The following ZFPM2 variants were observed in gnomAD, a reference collection of about 807,000 sequenced individuals.
The protein encoded by ZFPM2 is zinc finger protein, FOG family member 2.
Under a neutral mutation model 98.6 loss-of-function variants are expected in ZFPM2, and 20 were observed. That is an observed-to-expected ratio of 0.20 (90% CI 0.14 to 0.29). The LOEUF (loss-of-function observed/expected upper bound fraction) is 0.29, where lower values mean the gene tolerates loss of function less well. ZFPM2 is among the 10% of genes least tolerant of loss of function. The probability of loss-of-function intolerance (pLI) is 1.00; values close to 1 mark genes in which losing one functional copy is unlikely to be tolerated. For missense variants in ZFPM2, 1,310 were observed against 1,388.6 expected (o/e 0.94, Z 0.90); for synonymous variants, 518 against 502.7 (o/e 1.03, Z -0.41).
At chr8:105,344,951 A>C (rs1812489838) in intron 1 of ZFPM2, among the ~76,000 whole-genome samples, 1 of 152,184 alleles carries the variant, frequency 6.6e-6, no homozygotes, top group Admixed American at 6.6e-5. Flanking sequence ...TAAGAAAGTT[A>C]AGACCAACAG....
intron 5 of ZFPM2, among the ~76,000 whole-genome samples, chr8:105,693,917 T>C (rs1810950329): frequency 6.6e-6 from 1 of 151,932 alleles, no homozygotes; most frequent in African/African-American, 2.4e-5. Flanking sequence ...CAAATATTAT[T>C]GTCTAGCTAT....
intron 4 of ZFPM2, among the ~76,000 whole-genome samples, chr8:105,599,357 G>C (rs749696164): frequency 4.5e-4 from 64 of 141,012 alleles, no homozygotes; most frequent in Non-Finnish European, 8.2e-4. Context: ...CCATCTGCTT[G>C]TCAGTTTTTC....
At chr8:105,320,961 T>C (rs2130641618) in intron 1 of ZFPM2, among the ~76,000 whole-genome samples, 1 of 152,374 alleles carries the variant, frequency 6.6e-6, no homozygotes, top group Middle Eastern at 3.4e-3. Context: ...TGCATACATA[T>C]GTATTATTTA....
At chr8:105,793,316 A>C (rs1204806723) in intron 6 of ZFPM2, among the ~76,000 whole-genome samples, 2 of 152,052 alleles carry the variant, frequency 1.3e-5, no homozygotes, top group East Asian at 1.9e-4. Flanking sequence ...GCTTGTCTGT[A>C]AAGTATTTTA....
intron 1 of ZFPM2, among the ~76,000 whole-genome samples, chr8:105,359,437 A>G (rs1196309874): frequency 6.8e-6 from 1 of 148,064 alleles, no homozygotes; most frequent in Non-Finnish European, 1.5e-5. Context: ...GTGCAGTGAC[A>G]TGATCTTGGC....
At chr8:105,538,051 A>G (rs1286321071) in intron 3 of ZFPM2, among the ~76,000 whole-genome samples, 3 of 152,136 alleles carry the variant, frequency 2.0e-5, no homozygotes, top group African/African-American at 7.2e-5. Flanking sequence ...TAATAGATGT[A>G]TCACCCCTTG....
At chr8:105,553,409 A>G (rs1171549660) in intron 3 of ZFPM2, among the ~76,000 whole-genome samples, 2 of 152,200 alleles carry the variant, frequency 1.3e-5, no homozygotes, top group African/African-American at 2.4e-5. Context: ...TTTAGAAACT[A>G]TAGCCAAAGA....
In ZFPM2 at chr8:105,374,782, C is replaced by T. The variant is rs551406482; in HGVS notation, c.41-44362C>T. On this transcript the variant is annotated intron_variant, in intron 1 of 7. Coordinates refer to ENST00000407775, the MANE Select transcript of ZFPM2 (RefSeq NM_012082.4). ...GGTAGCAGGGACATGATGTGGGAAACCACTCAGAGTGGTAACAAGTTAACA... is the reference window on the plus strand; with the variant it reads ...GGTAGCAGGGACATGATGTGGGAAATCACTCAGAGTGGTAACAAGTTAACA... Among the ~76,000 whole-genome samples, 6 of 152,258 alleles carry T rather than the reference C, an allele frequency of 3.9e-5. No homozygotes were observed. In the South Asian group the frequency reaches 1.2e-3, roughly 32 times the overall value.
chr8:105,344,848 A>G (rs1586304902), intron 1 of ZFPM2, among the ~76,000 whole-genome samples: 1 of 152,186 alleles, frequency 6.6e-6, no homozygotes, highest in Non-Finnish European at 1.5e-5. Flanking sequence ...ATTTAGTTGA[A>G]GAAATCATTA....
At chr8:105,614,456 C>T (rs1816372360) in intron 4 of ZFPM2, among the ~76,000 whole-genome samples, 1 of 152,078 alleles carries the variant, frequency 6.6e-6, no homozygotes, top group Non-Finnish European at 1.5e-5. Context: ...TAACAGGATC[C>T]TAAAAATAGC....
At chr8:105,425,630 C>T (rs971922147) in intron 2 of ZFPM2, among the ~76,000 whole-genome samples, 2 of 152,172 alleles carry the variant, frequency 1.3e-5, no homozygotes, top group African/African-American at 2.4e-5. Context: ...AATGTTTCCC[C>T]CCTCCTCCCA....
chr8:105,330,619 T>TATATACAC (rs1554595027), intron 1 of ZFPM2, among the ~76,000 whole-genome samples: 1,033 of 88,372 alleles, frequency 0.012, 27 homozygotes, highest in Non-Finnish European at 0.015. Context: ...TACACATATA[T>TATATACAC]ATATATATAT....
At chr8:105,510,461 T>G (rs987158654) in intron 3 of ZFPM2, among the ~76,000 whole-genome samples, 1 of 151,542 alleles carries the variant, frequency 6.6e-6, no homozygotes, top group African/African-American at 2.4e-5. Flanking sequence ...AATCTTCTCT[T>G]GGAGATGATT....
chr8:105,499,990 G>T (rs1438346072), intron 3 of ZFPM2, among the ~76,000 whole-genome samples: 6 of 152,092 alleles, frequency 3.9e-5, no homozygotes, highest in African/African-American at 1.4e-4. Flanking sequence ...AATAATCTTG[G>T]ATACGTTTTG....
In ZFPM2 at chr8:105,546,623, A is replaced by G. The variant is rs1408503975; in HGVS notation, c.302-14740A>G. 3.3e-5 allele frequency among the ~76,000 whole-genome samples: 5 copies of G among 151,816 alleles called. No individual in the cohort carries two copies. The East Asian group carries it at 9.7e-4, about 29-fold the overall frequency. On this transcript the variant is annotated intron_variant, in intron 3 of 7. Transcript: ENST00000407775. ...CACTAAGATAAAACTTATAACATGT[A>G]TTGAGTTCTTACTATGTGCTCGACA...
At chr8:105,607,754 T>C (rs1357592113) in intron 4 of ZFPM2, among the ~76,000 whole-genome samples, 5 of 152,116 alleles carry the variant, frequency 3.3e-5, no homozygotes, top group Admixed American at 2.0e-4. Context: ...TTGTAACCAG[T>C]TCCGCTACTT....
chr8:105,605,704 T>C (rs1201823577), intron 4 of ZFPM2, among the ~76,000 whole-genome samples: 1 of 152,124 alleles, frequency 6.6e-6, no homozygotes, highest in Non-Finnish European at 1.5e-5. Flanking sequence ...CATTCTTCTA[T>C]GAGAAAATGG....
Position 105,631,818 on chromosome 8 carries a change from C to G in ZFPM2, c.421-2428C>G, listed in dbSNP as rs141736425. 5.4e-3 allele frequency among the ~76,000 whole-genome samples: 827 copies of G among 152,226 alleles called. 26 individuals are homozygous for G. The highest frequency in any genetic ancestry group is 0.049 in the Admixed American group (751 of 15,266). On this transcript the variant is annotated intron_variant, in intron 4 of 7. Transcript: ENST00000407775. ...TTGATTTACTTTATACTAAAAGATT[C>G]TCTAAAGAATGTAAGTGATCACTAT...
Position 105,711,729 on chromosome 8 carries a change from C to A in ZFPM2, c.533-76989C>A, listed in dbSNP as rs180674880. Among the ~76,000 whole-genome samples the A allele has an allele frequency of 1.3e-3, 196 of 152,106 alleles. 2 individuals are homozygous for A. The highest frequency in any genetic ancestry group is 4.6e-3 in the African/African-American group (191 of 41,532). ...TATCTCCTCCATAAGAAAGTCCTTT[C>A]TTCCAATGAAAATAGTACATATGCT... On this transcript the variant is annotated intron_variant, in intron 5 of 7. Coordinates refer to ENST00000407775, the MANE Select transcript of ZFPM2 (RefSeq NM_012082.4).
Sources: allele counts gnomAD v4.1 joint callset (sites outside exome capture counted in the v4.1 genomes callset), GRCh38; gene constraint gnomAD v4.1.1; transcripts MANE v1.5; gene names NCBI Gene and HGNC (gene_info 2026-07-23, HGNC 2026-07-21).